Variants in SNTB1 observed in about 807,000 individuals in gnomAD.
SNTB1 encodes the protein syntrophin beta 1, also known as beta-1-syntrophin.
In SNTB1, 36 loss-of-function variants were observed where a neutral mutation model predicts 48.9. That is an observed-to-expected ratio of 0.74 (90% CI 0.56 to 0.97). SNTB1 has a LOEUF of 0.97. Ranked by LOEUF, SNTB1 falls within the 50% of genes least tolerant of loss-of-function variation. SNTB1 has a pLI of 0.00. For synonymous variants in SNTB1, 299 were observed against 294.6 expected (o/e 1.01, Z -0.15); for missense variants, 786 against 703.4 (o/e 1.12, Z -1.33).
At chr8:120,699,475 T>G (rs561250717) in intron 1 of SNTB1, among the ~76,000 whole-genome samples, 5 of 152,258 alleles carry the variant, frequency 3.3e-5, no homozygotes, top group African/African-American at 1.2e-4. Flanking sequence ...TCTCTCTCCC[T>G]TTGTCCCATT....
chr8:120,620,732 T>C (rs1816780630), intron 3 of SNTB1, among the ~76,000 whole-genome samples: 1 of 150,762 alleles, frequency 6.6e-6, no homozygotes, highest in Non-Finnish European at 1.5e-5. Context: ...TTATGGTGTG[T>C]TCAGAGATCC....
At chr8:120,717,968 C>T (rs1352660345) in intron 1 of SNTB1, among the ~76,000 whole-genome samples, 1 of 152,216 alleles carries the variant, frequency 6.6e-6, no homozygotes, top group Non-Finnish European at 1.5e-5. Context: ...AGCAGTCCTG[C>T]CCTTTGAACC....
intron 6 of SNTB1, among the ~76,000 whole-genome samples, chr8:120,540,771 G>A (rs1190196449): frequency 6.6e-6 from 1 of 152,152 alleles, no homozygotes; most frequent in Non-Finnish European, 1.5e-5. Context: ...CCAAGTGTCA[G>A]CCACGAGGAA....
intron 1 of SNTB1, among the ~76,000 whole-genome samples, chr8:120,767,769 G>A (rs1277080718): frequency 2.6e-5 from 4 of 152,132 alleles, no homozygotes; most frequent in African/African-American, 7.2e-5. Flanking sequence ...AAGTTCTTTC[G>A]ATAGTAGTCT....
chr8:120,594,475 TG>T (rs1816292101), intron 3 of SNTB1, among the ~76,000 whole-genome samples: 1 of 152,130 alleles, frequency 6.6e-6, no homozygotes, highest in African/African-American at 2.4e-5. Flanking sequence ...TGACCTCAGG[TG>T]ATCCACCTGC....
chr8:120,725,742 C>T (rs1818742590), intron 1 of SNTB1, among the ~76,000 whole-genome samples: 2 of 152,152 alleles, frequency 1.3e-5, no homozygotes, highest in African/African-American at 2.4e-5. Flanking sequence ...ACACAATATT[C>T]CTCATCGTAA....
chr8:120,603,998 T>C (rs748080444), intron 3 of SNTB1, among the ~76,000 whole-genome samples: 2 of 152,088 alleles, frequency 1.3e-5, no homozygotes, highest in Non-Finnish European at 2.9e-5. Flanking sequence ...GGAATCCTGC[T>C]CTTCCAGGGT....
intron 2 of SNTB1, among the ~76,000 whole-genome samples, chr8:120,678,733 C>G (rs1472549038): frequency 6.6e-6 from 1 of 152,056 alleles, no homozygotes; most frequent in African/African-American, 2.4e-5. Context: ...ACATATCAGA[C>G]CTATTTTCAA....
At chr8:120,572,057 A>G (rs1402994230) in intron 4 of SNTB1, among the ~76,000 whole-genome samples, 1 of 151,578 alleles carries the variant, frequency 6.6e-6, no homozygotes, top group Non-Finnish European at 1.5e-5. Context: ...AGTAAGAAGG[A>G]TTTTTCTGGA....
At chr8:120,738,906 T>C (rs1489644177) in intron 1 of SNTB1, among the ~76,000 whole-genome samples, 1 of 152,188 alleles carries the variant, frequency 6.6e-6, no homozygotes, top group Non-Finnish European at 1.5e-5. Flanking sequence ...TCTGTTCCAA[T>C]AAACAGTCAC....
At chr8:120,666,728 G>A (rs1329738321) in intron 2 of SNTB1, among the ~76,000 whole-genome samples, 1 of 151,798 alleles carries the variant, frequency 6.6e-6, no homozygotes, top group Non-Finnish European at 1.5e-5. Context: ...GGTGTATTAG[G>A]CTGCTTGAAT....
chr8:120,566,406 G>GT (rs1815749819), intron 4 of SNTB1, among the ~76,000 whole-genome samples: 1 of 150,406 alleles, frequency 6.6e-6, no homozygotes, highest in African/African-American at 2.4e-5. Flanking sequence ...TTCCACCCAC[G>GT]TGAGAACACA....
intron 1 of SNTB1, among the ~76,000 whole-genome samples, chr8:120,734,720 A>G (rs1436400632): frequency 6.6e-6 from 1 of 152,196 alleles, no homozygotes; most frequent in Non-Finnish European, 1.5e-5. Context: ...GCTGAAACAC[A>G]GCTTGGTGGA....
intron 3 of SNTB1, among the ~76,000 whole-genome samples, chr8:120,580,492 G>A (rs1816030070): frequency 6.6e-6 from 1 of 152,130 alleles, no homozygotes; most frequent in Non-Finnish European, 1.5e-5. Flanking sequence ...AACTGCCCCA[G>A]TTGCTCACCT....
intron 1 of SNTB1, among the ~76,000 whole-genome samples, chr8:120,717,145 T>C (rs557795779): frequency 1.3e-5 from 2 of 152,356 alleles, no homozygotes; most frequent in East Asian, 3.9e-4. Context: ...TGTAGGAGGC[T>C]GCCCAGGAAA....
chr8:120,658,985 A>G (rs574546654), intron 2 of SNTB1, among the ~76,000 whole-genome samples: 9 of 149,852 alleles, frequency 6.0e-5, no homozygotes, highest in African/African-American at 1.7e-4. Flanking sequence ...TTTTCCTGAG[A>G]CAAAGTCTCA....
At chr8:120,587,827 A>T (rs1229260079) in intron 3 of SNTB1, among the ~76,000 whole-genome samples, 4 of 152,218 alleles carry the variant, frequency 2.6e-5, no homozygotes, top group African/African-American at 9.6e-5. Context: ...CAGATAATTA[A>T]ATTAGCCTCC....
chr8:120,728,714 C>T (rs1428383677), intron 1 of SNTB1, among the ~76,000 whole-genome samples: 1 of 152,122 alleles, frequency 6.6e-6, no homozygotes. Flanking sequence ...TGTATATGTA[C>T]CACATTTTCT....
chr8:120,741,326 C>T lies in SNTB1; in HGVS notation c.572-47418G>A, dbSNP rs144403819. 5.5e-4 allele frequency among the ~76,000 whole-genome samples: 84 copies of T among 152,230 alleles called. 1 individual carries two copies. The East Asian group carries it at 0.011, about 21-fold the overall frequency. Reference sequence around the variant, plus strand: ...ATGTGGTTAGAAGTATAGTGTTTTACGGCCAGGCACGGTGGCTCACACCTG... The same window carrying T: ...ATGTGGTTAGAAGTATAGTGTTTTATGGCCAGGCACGGTGGCTCACACCTG... On this transcript the variant is annotated intron_variant, in intron 1 of 6. Coordinates refer to ENST00000517992, the MANE Select transcript of SNTB1 (RefSeq NM_021021.4).
Sources: allele counts gnomAD v4.1 joint callset (sites outside exome capture counted in the v4.1 genomes callset), GRCh38; gene constraint gnomAD v4.1.1; transcripts MANE v1.5; gene names NCBI Gene and HGNC (gene_info 2026-07-23, HGNC 2026-07-21).